ALDH1A3: variants seen among roughly 807,000 people sequenced by gnomAD.
ALDH1A3 encodes aldehyde dehydrogenase 1 family member A3.
A neutral mutation model predicts 57.5 loss-of-function variants in ALDH1A3; 28 were observed. That is an observed-to-expected ratio of 0.49 (90% confidence interval 0.36 to 0.67). The LOEUF (loss-of-function observed/expected upper bound fraction) is 0.67. Among genes scored for constraint, ALDH1A3 ranks in the 30% least tolerant of loss-of-function variants. ALDH1A3 has a pLI of 0.00. For synonymous variants in ALDH1A3, 281 were observed against 264.8 expected, an observed-to-expected ratio of 1.06 and a Z score of -0.59; for missense variants, 507 against 669.4, an observed-to-expected ratio of 0.76 and a Z score of 2.68.
chr15:100,905,331 C>T (rs936377442), intron 9 of ALDH1A3, among the ~76,000 whole-genome samples, 192 bp from the exon 10 acceptor site: 6 of 152,166 alleles, frequency 3.9e-5, no homozygotes, highest in African/African-American at 1.2e-4. Context: ...CCATCTCTCC[C>T]CTGCTCCAAA....
chr15:100,896,146 T>G, intron 7 of ALDH1A3, 100 bp downstream of exon 7: 1 of 1,014,006 alleles, frequency 9.9e-7, no homozygotes, highest in Non-Finnish European at 1.5e-6. Flanking sequence ...TTGTTTTTCT[T>G]CTAAATTTGA....
intron 1 of ALDH1A3, among the ~76,000 whole-genome samples, chr15:100,883,944 C>A (rs1225148165): frequency 1.3e-5 from 2 of 152,228 alleles, no homozygotes; most frequent in Non-Finnish European, 2.9e-5. Flanking sequence ...GGACGCAATT[C>A]TTCCTTTAAA....
intron 2 of ALDH1A3, among the ~76,000 whole-genome samples, chr15:100,886,984 G>C (rs1037140884): frequency 2.0e-5 from 3 of 152,224 alleles, no homozygotes; most frequent in African/African-American, 7.2e-5. Context: ...GCTCGTGTGC[G>C]TTCACACTGA....
intron 1 of ALDH1A3, among the ~76,000 whole-genome samples, chr15:100,881,994 G>A (rs939443174): frequency 7.9e-5 from 12 of 152,250 alleles, no homozygotes; most frequent in African/African-American, 2.7e-4. Context: ...AAGAGTGCCT[G>A]CCGAGGGAAG....
At chr15:100,892,778 C>T in intron 4 of ALDH1A3, 139 bp downstream of exon 4, 1 of 1,354,012 alleles carries the variant, frequency 7.4e-7, no homozygotes, top group Non-Finnish European at 1.0e-6. Context: ...GCCAATTCTT[C>T]TTCTAAGAAC....
intron 3 of ALDH1A3, among the ~76,000 whole-genome samples, chr15:100,888,123 G>C (rs934958832): frequency 2.0e-5 from 3 of 151,912 alleles, no homozygotes; most frequent in Non-Finnish European, 4.4e-5. Context: ...TTTTGAGACA[G>C]AGTCTCCCTC....
Position 100,893,672 on chromosome 15 carries a change from G to T in ALDH1A3, c.538-282G>T. On this transcript the variant is annotated intron_variant, in intron 5 of 12. Coordinates refer to ENST00000329841, the MANE Select transcript of ALDH1A3 (RefSeq NM_000693.4). This position sits in a 1 kb window ranked among gnomAD's most constrained non-coding sequence, Gnocchi z 4.8. ...GAGGGTTCAAAAAGTGCCCATGGAG[G>T]CAGGGAGGAGGACACGTCTTCAGCA... The T allele has an allele frequency of 3.2e-6, 1 of 308,898 alleles. No homozygotes were observed. The highest frequency in any genetic ancestry group is 6.0e-6 in the Non-Finnish European group (1 of 167,654). The allele number at this position is 308,898 out of a possible 1,614,324, so 19.1% of individuals were successfully genotyped here.
chr15:100,904,556 G>A (rs965977082), intron 9 of ALDH1A3, among the ~76,000 whole-genome samples: 39 of 152,278 alleles, frequency 2.6e-4, no homozygotes, highest in Non-Finnish European at 4.1e-4. Flanking sequence ...ACCTAGTAAA[G>A]CTTTGTCTCT....
intron 12 of ALDH1A3, among the ~76,000 whole-genome samples, chr15:100,912,745 ATT>A (rs1231613940): frequency 6.6e-6 from 1 of 152,198 alleles, no homozygotes; most frequent in East Asian, 1.9e-4. Context: ...TGGTTTTCCT[ATT>A]TGATAGTTGA....
chr15:100,886,668 A>G (rs769272325), intron 2 of ALDH1A3, among the ~76,000 whole-genome samples: 1 of 152,140 alleles, frequency 6.6e-6, no homozygotes, highest in Non-Finnish European at 1.5e-5. Context: ...AATGTGGCCC[A>G]TTTTCCTGAG....
chr15:100,883,439 C>G (rs184113725), intron 1 of ALDH1A3, among the ~76,000 whole-genome samples: 1 of 152,296 alleles, frequency 6.6e-6, no homozygotes, highest in Non-Finnish European at 1.5e-5. Context: ...GGTGCGCTTC[C>G]CTGGGGGCCT....
At position 100,887,395 on chromosome 15, in the gene ALDH1A3, C is replaced by T. The variant is rs1341239083; in HGVS notation, c.205-177C>T. ...CTGCAGTCACCTCAAAAGATGACAC[C>T]GAAACTGCAGTCACTTCAAAAGATG... On this transcript the variant is annotated intron_variant, in intron 2 of 12. Transcript: ENST00000329841. The surrounding 1 kb of genome is among the most constrained non-coding windows in gnomAD (Gnocchi z 4.6). Among the ~76,000 whole-genome samples the T allele has an allele frequency of 4.0e-5, 6 of 151,700 alleles. No individual in the cohort carries two copies. Among genetic ancestry groups the T allele is most frequent in the Non-Finnish European group, 8.8e-5 (6 of 67,964 alleles).
At chr15:100,905,032 A>T (rs1300892978) in intron 9 of ALDH1A3, among the ~76,000 whole-genome samples, 2 of 152,220 alleles carry the variant, frequency 1.3e-5, no homozygotes, top group Admixed American at 1.3e-4. Context: ...GTAAACATGA[A>T]TTTCAGATAA....
In ALDH1A3 at chr15:100,894,627, C is replaced by A. The variant is rs2041681715; in HGVS notation, c.666+545C>A. On this transcript the variant is annotated intron_variant, in intron 6 of 12. Transcript: ENST00000329841. This position sits in a 1 kb window ranked among gnomAD's most constrained non-coding sequence, Gnocchi z 4.5. ...CCAGACATACCTTTAGTCATTCCAT[C>A]CCCAGGTTGTATGGAGCAAAGATTT... 1 of 153,552 alleles carries A rather than the reference C, an allele frequency of 6.5e-6. No individual in the cohort carries two copies. Among genetic ancestry groups the A allele is most frequent in the South Asian group, 2.0e-4 (1 of 4,920 alleles). 9.5% of individuals were successfully genotyped at this position (153,552 alleles called of 1,614,324 possible).
Position 100,893,664 on chromosome 15 carries a change from C to A in ALDH1A3, c.538-290C>A. Reference sequence around the variant, plus strand: ...CATGAAGTGAGGGTTCAAAAAGTGCCCATGGAGGCAGGGAGGAGGACACGT... The same window carrying A: ...CATGAAGTGAGGGTTCAAAAAGTGCACATGGAGGCAGGGAGGAGGACACGT... On this transcript the variant is annotated intron_variant, in intron 5 of 12. Coordinates refer to ENST00000329841, the MANE Select transcript of ALDH1A3 (RefSeq NM_000693.4). This position sits in a 1 kb window ranked among gnomAD's most constrained non-coding sequence, Gnocchi z 4.8. 1 of 290,222 alleles carries A rather than the reference C, an allele frequency of 3.4e-6. No homozygotes were observed. The highest frequency in any genetic ancestry group is 1.1e-4 in the South Asian group (1 of 9,466). 18.0% of individuals were successfully genotyped at this position (290,222 alleles called of 1,614,324 possible). A position where few individuals can be genotyped will look rare whatever the true frequency, so the allele number is the denominator to read the frequency against.
chr15:100,914,606 A>G lies in ALDH1A3; in HGVS notation c.1467-95A>G, dbSNP rs1010779833. 2.0e-5 allele frequency: 25 copies of G among 1,223,140 alleles called. No individual in the cohort carries two copies. In the African/African-American group the frequency reaches 3.6e-4, roughly 18 times the overall value. 75.8% of individuals were successfully genotyped at this position (1,223,140 alleles called of 1,614,324 possible). ...ATTTTAACCTTTTGCATAAGCCTCC[A>G]ACGGCCTGATGGAATGATGAAGCCT... On this transcript the variant is annotated intron_variant, in intron 12 of 12. Transcript: ENST00000329841.
At chr15:100,908,033 G>A (rs2141571427) in intron 11 of ALDH1A3, among the ~76,000 whole-genome samples, 1 of 151,870 alleles carries the variant, frequency 6.6e-6, no homozygotes, top group African/African-American at 2.4e-5. Context: ...ATTTTTAGTA[G>A]AGATGGGGTT....
intron 12 of ALDH1A3, among the ~76,000 whole-genome samples, chr15:100,910,860 G>A (rs1240742467): frequency 6.6e-6 from 1 of 152,218 alleles, no homozygotes; most frequent in African/African-American, 2.4e-5. Flanking sequence ...CCTGGGCGTA[G>A]AAGCTGCAGG....
At chr15:100,899,069 C>G (rs1258946697) in intron 8 of ALDH1A3, among the ~76,000 whole-genome samples, 4 of 152,192 alleles carry the variant, frequency 2.6e-5, no homozygotes, top group African/African-American at 7.2e-5. Flanking sequence ...GGCACAATTT[C>G]TTACTAAGGT....
Sources: gnomAD v4.1 joint callset for allele counts (sites outside exome capture counted in the v4.1 genomes callset) on GRCh38, gnomAD v4.1.1 for gene constraint, Gnocchi (gnomAD v3.1) non-coding constraint, MANE v1.5 for transcripts, NCBI Gene and HGNC (gene_info 2026-07-23, HGNC 2026-07-21) for gene names.